Variants in PLK4 observed in about 807,000 individuals in gnomAD.
The protein encoded by PLK4 is polo like kinase 4, also known as serine/threonine-protein kinase PLK4.
Under a neutral mutation model 103.0 loss-of-function variants are expected in PLK4, and 51 were observed. The observed-to-expected ratio is 0.50, with a 90% CI of 0.40 to 0.63. The LOEUF (loss-of-function observed/expected upper bound fraction) is 0.63. Ranked by LOEUF, PLK4 falls within the 20% of genes least tolerant of loss-of-function variation. PLK4 has a pLI of 0.00. For synonymous variants in PLK4, 389 were observed against 376.8 expected, an observed-to-expected ratio of 1.03 and a Z score of -0.38; for missense variants, 1,054 against 1,151.0, an observed-to-expected ratio of 0.92 and a Z score of 1.22.
Position 127,893,402 on chromosome 4 carries a change from T to C in PLK4, c.2306T>C (p.Met769Thr), listed in dbSNP as rs1293358289. The C allele has an allele frequency of 6.2e-7, 1 of 1,608,028 alleles. No individual in the cohort carries two copies. The highest frequency in any genetic ancestry group is 1.7e-5 in the Admixed American group (1 of 59,224). Residue 769 changes from methionine to threonine, a missense_variant, in exon 11 of 16, where the codon ATG becomes ACG. This residue lies in a region of PLK4 where 680 missense variants were observed against 660.3 expected (regional missense o/e 1.03). Coordinates refer to ENST00000270861, the MANE Select transcript of PLK4 (RefSeq NM_014264.5). ...TTGAAAGAGGAGATAAAAATGTATATGGACCATGCTAATGAGGTACATACC... is the reference window on the plus strand; with the variant it reads ...TTGAAAGAGGAGATAAAAATGTATACGGACCATGCTAATGAGGTACATACC... ...NSLKEEIKMY[M>T]DHANEGHRIC...
Position 127,894,961 on chromosome 4 carries a change from A to C in PLK4, c.2571A>C (p.Thr857=). The C allele has an allele frequency of 1.3e-6, 2 of 1,597,302 alleles. No individual in the cohort carries two copies. The highest frequency in any genetic ancestry group is 1.7e-6 in the Non-Finnish European group (2 of 1,170,178). Residue 857 remains threonine, a synonymous_variant, in exon 14 of 16, where the codon ACA becomes ACC. Coordinates refer to ENST00000270861, the MANE Select transcript of PLK4 (RefSeq NM_014264.5). ...QAPILNPSMV[T]NEGLGLTTTA... ...TCCTTTATTCTTTGTAGATGGTTAC[A>C]AATGAAGGACTTGGTCTTACAACTA...
At chr4:127,894,699 T>A (rs1290287161) in intron 13 of PLK4, among the ~76,000 whole-genome samples, 1 of 152,054 alleles carries the variant, frequency 6.6e-6, no homozygotes, top group African/African-American at 2.4e-5. Flanking sequence ...CTCACCCACA[T>A]ACACAAAAAG....
Position 127,895,452 on chromosome 4 carries a change from CTTTTTTTTTTTTTT to C in PLK4, c.2703+374_2703+387del, listed in dbSNP as rs70966059. Among the ~76,000 whole-genome samples the C allele has an allele frequency of 1.2e-3, 77 of 65,196 alleles. 2 individuals are homozygous for C. Among genetic ancestry groups the C allele is most frequent in the Middle Eastern group, 0.011 (1 of 92 alleles). The allele number at this position is 65,196 out of a possible 152,430, so 42.8% of individuals were successfully genotyped here. ...TAATCAATATTAGTAGAGTAACTTT[CTTTTTTTTTTTTTT>C]TTTTTTTTTTTTTTGAGACAAAGTC... On this transcript the variant is annotated intron_variant, in intron 14 of 15. Coordinates refer to ENST00000270861, the MANE Select transcript of PLK4 (RefSeq NM_014264.5).
chr4:127,898,384 T>C (rs959912423), intron 15 of PLK4, 55 bp from the exon 16 acceptor site: 2 of 822,386 alleles, frequency 2.4e-6, no homozygotes, highest in Non-Finnish European at 4.1e-6. Flanking sequence ...GGGACTCTCA[T>C]GAGAACCAAG....
Position 127,890,042 on chromosome 4 carries a change from A to G in PLK4, c.1636A>G (p.Met546Val), listed in dbSNP as rs1735293436. ...AAAACAGCAAAATACCATGAAATAT[A>G]TGACTGCACTTCACAGTAAACCTGA... ...SVKQQNTMKY[M>V]TALHSKPEII... The change falls in exon 7 of 16, where the codon ATG becomes GTG. Residue 546 changes from methionine (M) to valine (V), a missense_variant. Around this residue, in one of 4 missense-constraint regions of PLK4, gnomAD observed 680 missense variants for 660.3 expected, o/e 1.03. Coordinates refer to ENST00000270861, the MANE Select transcript of PLK4 (RefSeq NM_014264.5). 1 of 1,613,908 alleles carries G rather than the reference A, an allele frequency of 6.2e-7. No homozygotes were observed. Among genetic ancestry groups the G allele is most frequent in the East Asian group, 2.2e-5 (1 of 44,880 alleles).
At chr4:127,881,759 T>G in intron 1 of PLK4, 72 bp from the exon 2 acceptor site, 1 of 925,274 alleles carries the variant, frequency 1.1e-6, no homozygotes, top group African/African-American at 1.7e-5. Flanking sequence ...TTTTATCTTC[T>G]TTTTCCAGCC....
chr4:127,897,172 C>T (rs766867792), intron 15 of PLK4, among the ~76,000 whole-genome samples: 1 of 152,106 alleles, frequency 6.6e-6, no homozygotes, highest in Non-Finnish European at 1.5e-5. Flanking sequence ...TAGTGTAACT[C>T]GATGGCCTTT....
At chr4:127,888,439 C>T (rs182685646) in intron 6 of PLK4, among the ~76,000 whole-genome samples, 1 of 152,222 alleles carries the variant, frequency 6.6e-6, no homozygotes, top group East Asian at 1.9e-4. Context: ...CATAAGTAGT[C>T]TGGCTCAGAG....
chr4:127,880,988 T>G lies in PLK4; in HGVS notation c.-147T>G. The G allele has an allele frequency of 1.2e-6, 1 of 847,956 alleles. No individual in the cohort carries two copies. The highest frequency in any genetic ancestry group is 2.3e-5 in the Admixed American group (1 of 42,610). 52.5% of individuals were successfully genotyped at this position (847,956 alleles called of 1,614,324 possible). A position where few individuals can be genotyped will look rare whatever the true frequency, so the allele number is the denominator to read the frequency against. On this transcript the variant is annotated 5_prime_UTR_variant, in exon 1 of 16. Transcript: ENST00000270861. ...CCTCGGAAGGTGTCAGGGAGAACTT[T>G]CCGTGGTTTCAGCGTCGTCGCCTGG...
chr4:127,896,748 CTG>C lies in PLK4; in HGVS notation c.2704-51_2704-50del. 6.6e-6 allele frequency: 6 copies of C among 912,734 alleles called. No individual in the cohort carries two copies. The African/African-American group carries it at 8.5e-5, about 13-fold the overall frequency. 56.5% of individuals were successfully genotyped at this position (912,734 alleles called of 1,614,324 possible). ...ATAGTAATTTTGTGTGCTACTACTG[CTG>C]TTTTTTTTTTTTTCTGTGCCTGTTC... On this transcript the variant is annotated intron_variant, in intron 14 of 15. Coordinates refer to ENST00000270861, the MANE Select transcript of PLK4 (RefSeq NM_014264.5).
chr4:127,885,478 CA>C (rs397878802), intron 4 of PLK4, among the ~76,000 whole-genome samples: 4,014 of 49,840 alleles, frequency 0.081, 74 homozygotes, highest in African/African-American at 0.18. Flanking sequence ...GACTCCGTCT[CA>C]AAAAAAAAAA....
chr4:127,882,114 C>T (rs1734955639), intron 2 of PLK4, among the ~76,000 whole-genome samples, 188 bp downstream of exon 2: 1 of 152,192 alleles, frequency 6.6e-6, no homozygotes, highest in South Asian at 2.1e-4. Context: ...AAGCCTTGAC[C>T]TTGCTTAAGT....
chr4:127,886,706 A>C lies in PLK4; in HGVS notation c.1336A>C (p.Arg446=). 1 of 1,606,604 alleles carries C rather than the reference A, an allele frequency of 6.2e-7. No individual in the cohort carries two copies. The highest frequency in any genetic ancestry group is 8.5e-7 in the Non-Finnish European group (1 of 1,176,590). ...KTSSSSGSFE[R]PDNNQALSNH... is the part of the protein sequence containing the mutation. ...ATCCAGTAGTTCTGGATCTTTTGAA[A>C]GACCTGATAACAATCAAGCACTGTA... is the stretch of plus-strand genomic sequence containing the variant. Residue 446 remains arginine (R), a synonymous_variant, in exon 5 of 16, where the codon AGA becomes CGA. Coordinates refer to ENST00000270861, the MANE Select transcript of PLK4 (RefSeq NM_014264.5).
rs1735299842 is a variant in PLK4 at position 127,890,162 on chromosome 4, A to G, written c.1756A>G (p.Thr586Ala). 1 of 1,613,888 alleles carries G rather than the reference A, an allele frequency of 6.2e-7. No individual in the cohort carries two copies. The highest frequency in any genetic ancestry group is 1.1e-5 in the South Asian group (1 of 91,066). Residue 586 changes from threonine (T) to alanine (A), a missense_variant, in exon 7 of 16, where the codon ACA (threonine) becomes GCA (alanine). Thr to Ala is a moderately conservative substitution (Grantham distance 58, BLOSUM62 0). Around this residue, in one of 4 missense-constraint regions of PLK4, gnomAD observed 680 missense variants for 660.3 expected, o/e 1.03. Coordinates refer to ENST00000270861, the MANE Select transcript of PLK4 (RefSeq NM_014264.5). ...MEPPWGYQNR[T>A]LRSITSPLVA... Reference sequence around the variant, plus strand: ...GCCACCATGGGGTTATCAGAATCGTACATTAAGAAGCATTACATCTCCGTT... The same window carrying G: ...GCCACCATGGGGTTATCAGAATCGTGCATTAAGAAGCATTACATCTCCGTT...
chr4:127,894,848 TAA>T, intron 13 of PLK4, 103 bp from the exon 14 acceptor site: 1 of 721,886 alleles, frequency 1.4e-6, no homozygotes, highest in Non-Finnish European at 2.1e-6. Flanking sequence ...TGTTTGTTTT[TAA>T]AAAAATTAAG....
intron 6 of PLK4, among the ~76,000 whole-genome samples, chr4:127,889,444 G>T (rs1011679809): frequency 6.6e-6 from 1 of 152,080 alleles, no homozygotes; most frequent in Non-Finnish European, 1.5e-5. Flanking sequence ...AAGTAAAGAT[G>T]GGCTAGACAG....
rs1735344852 is a variant in PLK4, at chr4:127,891,201, T to C, written c.1935+5T>C. 2 of 1,364,218 alleles carry C rather than the reference T, an allele frequency of 1.5e-6. No homozygotes were observed. Among genetic ancestry groups the C allele is most frequent in the Non-Finnish European group, 1.0e-6 (1 of 965,778 alleles). 84.5% of individuals were successfully genotyped at this position (1,364,218 alleles called of 1,614,324 possible). A position where few individuals can be genotyped will look rare whatever the true frequency, so the allele number is the denominator to read the frequency against. ...ATATCTAGTGATGGAAATACGGTAA[T>C]GTGTAGTTACTTTATTACCTTGCAA... On this transcript the variant is annotated splice_donor_5th_base_variant and intron_variant, in intron 8 of 15. Coordinates refer to ENST00000270861, the MANE Select transcript of PLK4 (RefSeq NM_014264.5).
intron 15 of PLK4, 70 bp downstream of exon 15, chr4:127,896,977 G>C (rs1735593033): frequency 3.9e-6 from 3 of 766,778 alleles, no homozygotes; most frequent in Non-Finnish European, 6.8e-6. Flanking sequence ...ATGTTGAAAT[G>C]GATGATTTAA....
At chr4:127,897,479 A>G (rs1735612196) in intron 15 of PLK4, among the ~76,000 whole-genome samples, 1 of 152,234 alleles carries the variant, frequency 6.6e-6, no homozygotes, top group Non-Finnish European at 1.5e-5. Flanking sequence ...AAAGTAGGGT[A>G]CTGACGATGC....
Sources: allele counts gnomAD v4.1 joint callset (sites outside exome capture counted in the v4.1 genomes callset), GRCh38; gene constraint gnomAD v4.1.1; regional missense constraint gnomAD v4.1.1; transcripts MANE v1.5; gene names NCBI Gene and HGNC (gene_info 2026-07-23, HGNC 2026-07-21).